Variants in IQGAP2 observed in about 807,000 individuals in gnomAD.
The protein encoded by IQGAP2 is ras GTPase-activating-like protein IQGAP2.
IQGAP2 carries 173 observed loss-of-function variants against 201.3 expected under a neutral mutation model. The observed-to-expected ratio is 0.86, with a 90% CI of 0.76 to 0.98. The LOEUF (loss-of-function observed/expected upper bound fraction) is 0.98. Among genes scored for constraint, IQGAP2 ranks in the 50% least tolerant of loss-of-function variants. The pLI is 0.00. For missense variants in IQGAP2, 1,687 were observed against 1,864.8 expected, an observed-to-expected ratio of 0.90 and a Z score of 1.76; for synonymous variants, 675 against 673.9, an observed-to-expected ratio of 1.00 and a Z score of -0.03.
At chr5:76,547,146 A>G (rs879017) in intron 2 of IQGAP2, among the ~76,000 whole-genome samples, 8,489 of 152,230 alleles carry the variant, frequency 0.056, 682 homozygotes, top group East Asian at 0.42. Flanking sequence ...GCTGCGAGCT[A>G]TTCTCTTTTG....
At chr5:76,451,952 G>A (rs141901168) in intron 1 of IQGAP2, among the ~76,000 whole-genome samples, 1 of 152,110 alleles carries the variant, frequency 6.6e-6, no homozygotes, top group Admixed American at 6.5e-5. Flanking sequence ...CATGAGAATG[G>A]CTTGAACTCA....
intron 2 of IQGAP2, among the ~76,000 whole-genome samples, chr5:76,472,923 C>T (rs2150136755): frequency 6.6e-6 from 1 of 152,328 alleles, no homozygotes; most frequent in African/African-American, 2.4e-5. Flanking sequence ...CAAGTGTCTA[C>T]TCACCAGGCA....
chr5:76,674,481 T>G lies in IQGAP2; in HGVS notation c.3299T>G (p.Val1100Gly). ...TGCACTTCTGCGTCACTCCAGATTG[T>G]TGGAAACCTCCTGTACTATCGGTAC... ...DATEDELLKI[V>G]GNLLYYRYMN... Residue 1100 changes from valine to glycine, a missense_variant, in exon 27 of 36, where the codon GTT becomes GGT. Coordinates refer to ENST00000274364, the MANE Select transcript of IQGAP2 (RefSeq NM_006633.5). The G allele has an allele frequency of 6.2e-7, 1 of 1,609,548 alleles. No individual in the cohort carries two copies. Among genetic ancestry groups the G allele is most frequent in the Non-Finnish European group, 8.5e-7 (1 of 1,176,096 alleles).
At chr5:76,482,129 G>T (rs929872010) in intron 2 of IQGAP2, among the ~76,000 whole-genome samples, 23 of 152,274 alleles carry the variant, frequency 1.5e-4, no homozygotes, top group African/African-American at 4.8e-4. Flanking sequence ...TACAAGTAGC[G>T]CATGGGATGC....
chr5:76,530,360 A>G (rs538992310), intron 2 of IQGAP2, among the ~76,000 whole-genome samples: 38 of 152,342 alleles, frequency 2.5e-4, no homozygotes, highest in Non-Finnish European at 3.7e-4. Flanking sequence ...ACAGGCTGCT[A>G]TATGTTTGCA....
At chr5:76,679,993 G>A (rs929161850) in intron 28 of IQGAP2, among the ~76,000 whole-genome samples, 1 of 152,210 alleles carries the variant, frequency 6.6e-6, no homozygotes, top group African/African-American at 2.4e-5. Context: ...TATCTGAGGT[G>A]TGTTCTCTCT....
chr5:76,482,072 G>C (rs1291101848), intron 2 of IQGAP2, among the ~76,000 whole-genome samples: 2 of 152,154 alleles, frequency 1.3e-5, no homozygotes, highest in African/African-American at 4.8e-5. Context: ...GGAGAAACAG[G>C]AAAAATTTAC....
chr5:76,465,168 A>G (rs1180398400), intron 2 of IQGAP2, among the ~76,000 whole-genome samples: 6 of 152,228 alleles, frequency 3.9e-5, no homozygotes, highest in African/African-American at 1.4e-4. Context: ...AATCCTTAGC[A>G]AAATACTAGC....
At chr5:76,541,183 C>G (rs900983732) in intron 2 of IQGAP2, among the ~76,000 whole-genome samples, 1 of 151,834 alleles carries the variant, frequency 6.6e-6, no homozygotes, top group Non-Finnish European at 1.5e-5. Flanking sequence ...AAATAATTCC[C>G]TATTCCCCCT....
chr5:76,577,944 C>T (rs1745580639), intron 5 of IQGAP2, among the ~76,000 whole-genome samples: 1 of 152,112 alleles, frequency 6.6e-6, no homozygotes, highest in Non-Finnish European at 1.5e-5. Flanking sequence ...GGAAGTTTCC[C>T]TAGGAAGTTA....
intron 21 of IQGAP2, among the ~76,000 whole-genome samples, chr5:76,662,066 G>A (rs1743297517): frequency 6.6e-6 from 1 of 152,210 alleles, no homozygotes; most frequent in South Asian, 2.1e-4. Context: ...GCCCCTGTTT[G>A]TTATCCTTGT....
intron 16 of IQGAP2, among the ~76,000 whole-genome samples, chr5:76,638,305 G>C (rs539748020): frequency 3.7e-4 from 56 of 152,300 alleles, no homozygotes; most frequent in African/African-American, 1.3e-3. Context: ...CTTGAACCCA[G>C]GAAATGGAGG....
chr5:76,699,132 C>G (rs1259662960), intron 33 of IQGAP2, among the ~76,000 whole-genome samples: 3 of 152,156 alleles, frequency 2.0e-5, no homozygotes, highest in Non-Finnish European at 2.9e-5. Flanking sequence ...GTTTCCCCCA[C>G]CCTCCAGCCT....
intron 2 of IQGAP2, among the ~76,000 whole-genome samples, chr5:76,472,360 A>G (rs138428399): frequency 3.1e-3 from 476 of 152,318 alleles, no homozygotes; most frequent in Middle Eastern, 6.8e-3. Flanking sequence ...TAGTGCTTGT[A>G]GTTGGGGCCT....
chr5:76,580,436 G>GAACAAAACAAAACAA (rs368221905), intron 5 of IQGAP2, among the ~76,000 whole-genome samples: 1 of 151,922 alleles, frequency 6.6e-6, no homozygotes, highest in Admixed American at 6.6e-5. Flanking sequence ...CCGTCTCAAA[G>GAACAAAACAAAACAA]AACAAAACAA....
In IQGAP2 at chr5:76,438,027, T is replaced by G. The variant is rs866553816; in HGVS notation, c.47-23543T>G. ...TCTGTAGTTTTTTTTTTTTTTTTTT[T>G]TTTGTTTGTTTTTTTTTTTGTTTTT... On this transcript the variant is annotated intron_variant, in intron 1 of 35. Coordinates refer to ENST00000274364, the MANE Select transcript of IQGAP2 (RefSeq NM_006633.5). Among the ~76,000 whole-genome samples, 296 of 42,202 alleles carry G rather than the reference T, an allele frequency of 7.0e-3. 2 individuals are homozygous for G. The highest frequency in any genetic ancestry group is 0.018 in the African/African-American group (248 of 14,088). 27.7% of individuals were successfully genotyped at this position (42,202 alleles called of 152,430 possible).
chr5:76,421,827 G>T (rs944179140), intron 1 of IQGAP2, among the ~76,000 whole-genome samples: 6 of 152,164 alleles, frequency 3.9e-5, no homozygotes, highest in African/African-American at 1.4e-4. Context: ...GCTGCCTCTT[G>T]GGGCATATGG....
At chr5:76,556,601 G>A (rs12513594) in intron 2 of IQGAP2, among the ~76,000 whole-genome samples, 9,343 of 152,192 alleles carry the variant, frequency 0.061, 734 homozygotes, top group East Asian at 0.43. Context: ...TAGTCAGCCC[G>A]CATGATGACT....
At chr5:76,481,447 A>G (rs1755790339) in intron 2 of IQGAP2, among the ~76,000 whole-genome samples, 1 of 152,050 alleles carries the variant, frequency 6.6e-6, no homozygotes, top group Non-Finnish European at 1.5e-5. Context: ...CAGTGGCACA[A>G]TCTTGGCTCT....
Sources: gnomAD v4.1 joint callset for allele counts (sites outside exome capture counted in the v4.1 genomes callset) on GRCh38, gnomAD v4.1.1 for gene constraint, MANE v1.5 for transcripts, NCBI Gene and HGNC (gene_info 2026-07-23, HGNC 2026-07-21) for gene names.